ACP3: variants seen among roughly 807,000 people sequenced by gnomAD.
ACP3 encodes acid phosphatase 3.
A neutral mutation model predicts 45.6 loss-of-function variants in ACP3; 38 were observed. The observed-to-expected ratio is 0.83, with a 90% CI of 0.64 to 1.09. The LOEUF (loss-of-function observed/expected upper bound fraction) is 1.09, where lower values mean the gene tolerates loss of function less well. Ranked by LOEUF, ACP3 falls within the 50% of genes least tolerant of loss-of-function variation. ACP3 has a pLI of 0.00. For missense variants in ACP3, 466 were observed against 463.2 expected, an observed-to-expected ratio of 1.01 and a Z score of -0.05; for synonymous variants, 162 against 164.7, an observed-to-expected ratio of 0.98 and a Z score of 0.13.
At chr3:132,350,798 G>C (rs1329158435) in intron 8 of ACP3, among the ~76,000 whole-genome samples, 1 of 152,208 alleles carries the variant, frequency 6.6e-6, no homozygotes, top group African/African-American at 2.4e-5. Flanking sequence ...TGTTTGCTCA[G>C]GGAAGGCAGG....
intron 1 of ACP3, 115 bp downstream of exon 1, chr3:132,317,691 G>A (rs972064276): frequency 2.5e-6 from 3 of 1,186,598 alleles, no homozygotes; most frequent in Admixed American, 3.5e-5. Flanking sequence ...ACCAGGCTCT[G>A]TTCAAACTCA....
chr3:132,330,872 C>T (rs1452987834), intron 2 of ACP3, among the ~76,000 whole-genome samples: 2 of 152,164 alleles, frequency 1.3e-5, no homozygotes, highest in African/African-American at 4.8e-5. Context: ...GATGTCAGGG[C>T]CCCACTCAGG....
intron 8 of ACP3, among the ~76,000 whole-genome samples, chr3:132,350,777 C>T (rs940371038): frequency 3.3e-5 from 5 of 152,126 alleles, no homozygotes; most frequent in Non-Finnish European, 5.9e-5. Flanking sequence ...AAGGGAGAAC[C>T]CCCCTGTCAG....
intron 5 of ACP3, among the ~76,000 whole-genome samples, chr3:132,341,339 T>G (rs1454613137): frequency 6.6e-6 from 1 of 152,218 alleles, no homozygotes; most frequent in African/African-American, 2.4e-5. Flanking sequence ...AAATCAATAT[T>G]AGTTGTTTAA....
At chr3:132,352,690 A>C (rs1379080992) in intron 8 of ACP3, 30 bp from the exon 9 acceptor site, 1 of 1,489,236 alleles carries the variant, frequency 6.7e-7, no homozygotes, top group Non-Finnish European at 9.4e-7. Flanking sequence ...GAATCTGAAC[A>C]GGCGATAAAA....
chr3:132,346,435 C>G (rs1937609500), intron 7 of ACP3, among the ~76,000 whole-genome samples: 1 of 152,156 alleles, frequency 6.6e-6, no homozygotes, highest in Non-Finnish European at 1.5e-5. Flanking sequence ...TTGCATGGCA[C>G]AGAGACAGAC....
At position 132,331,647 on chromosome 3, in the gene ACP3, C is replaced by T; in HGVS notation, c.217C>T (p.Leu73=). The T allele has an allele frequency of 6.3e-7, 1 of 1,577,778 alleles. No homozygotes were observed. Among genetic ancestry groups the T allele is most frequent in the Non-Finnish European group, 8.5e-7 (1 of 1,169,670 alleles). The change falls in exon 3 of 10, where the codon CTG becomes TTG. Residue 73 remains leucine, a splice_region_variant and synonymous_variant. Transcript: ENST00000336375. ...WPQGFGQLTQ[L]GMEQHYELGE... ...TTTTGCTTTTATTTTTTTCCCATAG[C>T]TGGGCATGGAGCAGCATTATGAACT...
chr3:132,355,857 G>C (rs928940947), intron 9 of ACP3, among the ~76,000 whole-genome samples: 3 of 152,198 alleles, frequency 2.0e-5, no homozygotes, highest in Non-Finnish European at 4.4e-5. Flanking sequence ...ATGTTTATAT[G>C]GCTTTTTAAA....
intron 5 of ACP3, among the ~76,000 whole-genome samples, chr3:132,338,018 T>C (rs551558118): frequency 3.3e-4 from 51 of 152,266 alleles, no homozygotes; most frequent in African/African-American, 1.2e-3. Flanking sequence ...ATATTATACA[T>C]TCATACTGTC....
At chr3:132,325,277 C>T (rs1268115180) in intron 1 of ACP3, among the ~76,000 whole-genome samples, 1 of 152,154 alleles carries the variant, frequency 6.6e-6, no homozygotes, top group Non-Finnish European at 1.5e-5. Flanking sequence ...AAGTGTTTCT[C>T]CAGGACATCC....
rs376308327 is a variant in ACP3, at chr3:132,336,256, T to C, written c.457-1200T>C. Among the ~76,000 whole-genome samples the C allele has an allele frequency of 1.1e-4, 17 of 151,360 alleles. 2 individuals carry two copies. The highest frequency in any genetic ancestry group is 3.3e-4 in the Admixed American group (5 of 15,254). Reference sequence around the variant, plus strand: ...GCCTGGGTGACAGAGCAAGACTCTGTCTCAAAACATAATAATAATAATAAA... The same window carrying C: ...GCCTGGGTGACAGAGCAAGACTCTGCCTCAAAACATAATAATAATAATAAA... On this transcript the variant is annotated intron_variant, in intron 4 of 9. Transcript: ENST00000336375.
At chr3:132,345,598 G>A (rs1198797002) in intron 7 of ACP3, among the ~76,000 whole-genome samples, 1 of 152,180 alleles carries the variant, frequency 6.6e-6, no homozygotes, top group East Asian at 1.9e-4. Context: ...GACCAATTAT[G>A]TGCTGTTAAA....
intron 7 of ACP3, among the ~76,000 whole-genome samples, chr3:132,346,298 G>T (rs1937608232): frequency 6.6e-6 from 1 of 152,198 alleles, no homozygotes; most frequent in Admixed American, 6.5e-5. Flanking sequence ...GGGGAATGAG[G>T]TATGAAACCA....
intron 7 of ACP3, 147 bp from the exon 8 acceptor site, chr3:132,349,773 G>A: frequency 1.6e-6 from 1 of 622,612 alleles, no homozygotes; most frequent in Non-Finnish European, 2.9e-6. Context: ...ACCTAGCACA[G>A]AGCAGATGCT....
At chr3:132,327,651 T>A (rs1299709579) in intron 1 of ACP3, among the ~76,000 whole-genome samples, 2 of 151,912 alleles carry the variant, frequency 1.3e-5, no homozygotes, top group Non-Finnish European at 2.9e-5. Flanking sequence ...AAACTCCATC[T>A]CTACTAAAAA....
chr3:132,320,737 G>A (rs139098657), intron 1 of ACP3, among the ~76,000 whole-genome samples: 3,100 of 149,558 alleles, frequency 0.021, 130 homozygotes, highest in African/African-American at 0.072. Flanking sequence ...TGCAACCTCC[G>A]TCTCCCAGGT....
At chr3:132,327,759 A>C (rs1161649677) in intron 1 of ACP3, among the ~76,000 whole-genome samples, 1 of 151,090 alleles carries the variant, frequency 6.6e-6, no homozygotes, top group East Asian at 2.0e-4. Context: ...TCGCCACTGC[A>C]CTCCAGCCTG....
chr3:132,333,206 C>G (rs1937432495), intron 4 of ACP3, among the ~76,000 whole-genome samples: 1 of 152,116 alleles, frequency 6.6e-6, no homozygotes, highest in Non-Finnish European at 1.5e-5. Context: ...AACTAAGCTG[C>G]CTGAATGGGG....
At chr3:132,328,242 A>C (rs903476919) in intron 1 of ACP3, 25 bp from the exon 2 acceptor site, 3 of 1,554,016 alleles carry the variant, frequency 1.9e-6, no homozygotes, top group Non-Finnish European at 1.8e-6. Context: ...CGTTTGTAAC[A>C]TCACTCTCTC....
Sources: allele counts gnomAD v4.1 joint callset (sites outside exome capture counted in the v4.1 genomes callset), GRCh38; gene constraint gnomAD v4.1.1; transcripts MANE v1.5; gene names NCBI Gene and HGNC (gene_info 2026-07-23, HGNC 2026-07-21).